The following COL19A1 variants were observed in gnomAD, a reference collection of about 807,000 sequenced individuals.
COL19A1 encodes collagen type XIX alpha 1 chain.
A neutral mutation model predicts 190.2 loss-of-function variants in COL19A1; 159 were observed. That is an observed-to-expected ratio of 0.84 (90% CI 0.73 to 0.95). The LOEUF is 0.95. COL19A1 is among the 40% of genes least tolerant of loss of function. The pLI is 0.00. For missense variants in COL19A1, 1,418 were observed against 1,431.9 expected (o/e 0.99, Z 0.16); for synonymous variants, 509 against 458.9 (o/e 1.11, Z -1.39).
In COL19A1 at chr6:70,151,454, G is replaced by A. The variant is rs775056920; in HGVS notation, c.2079+16G>A. ...TTTGCTCAAGGTACTCTATTGCTATGTAAGAAATTATGTGTTAATTTCCAG... is the reference window on the plus strand; with the variant it reads ...TTTGCTCAAGGTACTCTATTGCTATATAAGAAATTATGTGTTAATTTCCAG... On this transcript the variant is annotated intron_variant, in intron 31 of 50. Coordinates refer to ENST00000620364, the MANE Select transcript of COL19A1 (RefSeq NM_001858.6). The A allele has an allele frequency of 1.9e-6, 3 of 1,609,656 alleles. No individual in the cohort carries two copies. The highest frequency in any genetic ancestry group is 2.5e-6 in the Non-Finnish European group (3 of 1,177,568).
chr6:70,063,587 CAAACACATTCA>C (rs1780980453), intron 14 of COL19A1, among the ~76,000 whole-genome samples: 1 of 152,018 alleles, frequency 6.6e-6, no homozygotes, highest in South Asian at 2.1e-4. Flanking sequence ...GAAGCAAGAG[CAAACACATTCA>C]AAAGCTAGCA....
At chr6:70,170,793 T>A (rs1399499814) in intron 40 of COL19A1, among the ~76,000 whole-genome samples, 1 of 152,164 alleles carries the variant, frequency 6.6e-6, no homozygotes, top group East Asian at 1.9e-4. Flanking sequence ...GCTCACTCAC[T>A]AAGTATTCTG....
At chr6:69,996,936 G>A (rs1490840072) in intron 11 of COL19A1, among the ~76,000 whole-genome samples, 1 of 148,042 alleles carries the variant, frequency 6.8e-6, no homozygotes. Flanking sequence ...GTGTGTGTGT[G>A]TGTATATATA....
chr6:70,199,865 C>T, intron 49 of COL19A1, 129 bp downstream of exon 49: 4 of 800,014 alleles, frequency 5.0e-6, no homozygotes, highest in African/African-American at 1.8e-5. Flanking sequence ...TAAATATATG[C>T]AATATATAAA....
intron 14 of COL19A1, among the ~76,000 whole-genome samples, chr6:70,036,801 A>G (rs1268893075): frequency 6.6e-6 from 1 of 152,160 alleles, no homozygotes; most frequent in Non-Finnish European, 1.5e-5. Flanking sequence ...TCAGATTTTT[A>G]AAAGTATTCT....
intron 16 of COL19A1, among the ~76,000 whole-genome samples, chr6:70,107,451 T>C (rs1207648141): frequency 1.3e-5 from 2 of 152,168 alleles, no homozygotes; most frequent in African/African-American, 2.4e-5. Flanking sequence ...CACCTACTTT[T>C]TCCCACAGTG....
At chr6:70,010,034 G>A (rs1777891905) in intron 11 of COL19A1, among the ~76,000 whole-genome samples, 1 of 152,092 alleles carries the variant, frequency 6.6e-6, no homozygotes, top group African/African-American at 2.4e-5. Flanking sequence ...TTTAGGTTAG[G>A]CATAGGTTTT....
At position 69,997,014 on chromosome 6, in the gene COL19A1, CAT is replaced by C. The variant is rs370136850; in HGVS notation, c.1027-26601_1027-26600del. On this transcript the variant is annotated intron_variant, in intron 11 of 50. Transcript: ENST00000620364. ...GTATGTGTGTGTGTGTTTATATATACATATATATATATAGAGAGAGAGAGAGA... is the reference window on the plus strand; with the variant it reads ...GTATGTGTGTGTGTGTTTATATATACATATATATATAGAGAGAGAGAGAGA... 9.8e-4 allele frequency among the ~76,000 whole-genome samples: 140 copies of C among 142,734 alleles called. 1 individual carries two copies. The highest frequency in any genetic ancestry group is 3.5e-3 in the African/African-American group (130 of 37,508). The allele number at this position is 142,734 out of a possible 152,430, so 93.6% of individuals were successfully genotyped here.
intron 2 of COL19A1, among the ~76,000 whole-genome samples, chr6:69,887,305 C>T (rs915176805): frequency 1.3e-5 from 2 of 152,102 alleles, no homozygotes; most frequent in African/African-American, 4.8e-5. Context: ...CATAGTCACT[C>T]GTAGTCATTA....
intron 15 of COL19A1, among the ~76,000 whole-genome samples, chr6:70,093,687 C>T (rs889022267): frequency 6.6e-6 from 1 of 152,108 alleles, no homozygotes; most frequent in Non-Finnish European, 1.5e-5. Context: ...GCAAAATAAC[C>T]TAAATTGTGA....
At chr6:70,021,513 C>G (rs149717105) in intron 11 of COL19A1, among the ~76,000 whole-genome samples, 5 of 152,192 alleles carry the variant, frequency 3.3e-5, no homozygotes, top group Non-Finnish European at 5.9e-5. Context: ...TTTCTATTCA[C>G]TCTAATAACT....
chr6:69,953,697 C>T (rs779055476), intron 9 of COL19A1, among the ~76,000 whole-genome samples: 9 of 151,986 alleles, frequency 5.9e-5, no homozygotes, highest in African/African-American at 2.2e-4. Flanking sequence ...ATGACAAGCT[C>T]ACCACATGCC....
intron 11 of COL19A1, among the ~76,000 whole-genome samples, chr6:70,002,450 C>A (rs905577316): frequency 1.3e-5 from 2 of 151,632 alleles, no homozygotes; most frequent in Admixed American, 1.3e-4. Flanking sequence ...CTCCTTATAC[C>A]CCTGGTAGAA....
intron 47 of COL19A1, among the ~76,000 whole-genome samples, 192 bp from the exon 48 acceptor site, chr6:70,190,123 A>G (rs970612037): frequency 1.3e-5 from 2 of 152,188 alleles, no homozygotes; most frequent in South Asian, 2.1e-4. Context: ...GCAATTACAC[A>G]CTTCAACTTC....
rs189041613 is a variant in COL19A1 at position 69,925,760 on chromosome 6, A to G, written c.267-2149A>G. On this transcript the variant is annotated intron_variant, in intron 4 of 50. Coordinates refer to ENST00000620364, the MANE Select transcript of COL19A1 (RefSeq NM_001858.6). ...ATTTGTTTGTATCCTCTTTTATTTC[A>G]TTGAGCAGTGGTTTGTAGTTCTCCT... 1.8e-3 allele frequency among the ~76,000 whole-genome samples: 274 copies of G among 151,780 alleles called. 1 individual carries two copies. The highest frequency in any genetic ancestry group is 6.4e-3 in the African/African-American group (263 of 41,294).
At chr6:70,023,300 AT>A (rs965250653) in intron 11 of COL19A1, among the ~76,000 whole-genome samples, 1 of 151,340 alleles carries the variant, frequency 6.6e-6, no homozygotes, top group East Asian at 1.9e-4. Flanking sequence ...TGCCTGGCTA[AT>A]TTTTTTTGTA....
At chr6:69,905,508 G>A (rs1770492220) in intron 4 of COL19A1, among the ~76,000 whole-genome samples, 1 of 148,606 alleles carries the variant, frequency 6.7e-6, no homozygotes, top group Non-Finnish European at 1.5e-5. Context: ...GGACAGCTTT[G>A]ACTCTCTGTT....
At chr6:69,890,957 T>C in intron 2 of COL19A1, 1 of 219,480 alleles carries the variant, frequency 4.6e-6, no homozygotes, top group Non-Finnish European at 9.7e-6. Flanking sequence ...GGGTTGCTGT[T>C]TTGGGGAAAC....
intron 7 of COL19A1, among the ~76,000 whole-genome samples, chr6:69,934,908 T>A (rs1773003601): frequency 6.6e-6 from 1 of 152,028 alleles, no homozygotes; most frequent in African/African-American, 2.4e-5. Flanking sequence ...ATTTTCTTTT[T>A]TGTTGCAAAA....
Sources: gnomAD v4.1 joint callset for allele counts (sites outside exome capture counted in the v4.1 genomes callset) on GRCh38, gnomAD v4.1.1 for gene constraint, MANE v1.5 for transcripts, NCBI Gene and HGNC (gene_info 2026-07-23, HGNC 2026-07-21) for gene names.